Variants in GAB2 observed in about 807,000 individuals in gnomAD.
The protein encoded by GAB2 is GRB2 associated binding protein 2, also known as GRB2-associated-binding protein 2.
GAB2 carries 26 observed loss-of-function variants against 65.5 expected under a neutral mutation model. That is an observed-to-expected ratio of 0.40 (90% CI 0.29 to 0.55). GAB2 has a LOEUF of 0.55. Ranked by LOEUF, GAB2 falls within the 20% of genes least tolerant of loss-of-function variation. The pLI, the probability that GAB2 is intolerant of heterozygous loss-of-function variation, is 0.53. For missense variants in GAB2, 884 were observed against 875.8 expected (o/e 1.01, Z -0.12); for synonymous variants, 321 against 329.6 (o/e 0.97, Z 0.28).
chr11:78,349,192 T>C (rs976296305), intron 1 of GAB2, among the ~76,000 whole-genome samples: 110 of 152,250 alleles, frequency 7.2e-4, no homozygotes, highest in African/African-American at 2.6e-3. Context: ...TTGAAGTTGA[T>C]AAGGAAAAAA....
intron 1 of GAB2, among the ~76,000 whole-genome samples, chr11:78,359,718 A>G (rs1283037228): frequency 3.3e-5 from 5 of 152,256 alleles, no homozygotes; most frequent in African/African-American, 9.6e-5. Context: ...TAAATAAGAT[A>G]GAAAATACCG....
At chr11:78,246,074 C>T (rs2512545) in intron 3 of GAB2, among the ~76,000 whole-genome samples, 24,421 of 151,292 alleles carry the variant, frequency 0.16, 2,426 homozygotes, top group East Asian at 0.4. Flanking sequence ...GGATTACAGG[C>T]GCCCACCACC....
intron 1 of GAB2, among the ~76,000 whole-genome samples, chr11:78,283,356 CCTT>C (rs1478248865): frequency 6.6e-6 from 1 of 152,194 alleles, no homozygotes; most frequent in Admixed American, 6.5e-5. Flanking sequence ...ACAATTCTCC[CCTT>C]CTTCAGAATC....
chr11:78,305,122 T>G (rs1384950193), intron 1 of GAB2, among the ~76,000 whole-genome samples: 1 of 152,200 alleles, frequency 6.6e-6, no homozygotes, highest in Non-Finnish European at 1.5e-5. Flanking sequence ...CTTTTCATAC[T>G]TTCAAAATTG....
rs1356822391 is a variant in GAB2, at chr11:78,256,884, C to T, written c.377-6484G>A. 2.0e-5 allele frequency among the ~76,000 whole-genome samples: 3 copies of T among 152,156 alleles called. No individual in the cohort carries two copies. In the East Asian group the frequency reaches 5.8e-4, roughly 29 times the overall value. ...TACTTCTTGCTGTGTAACTGACCTTCCTAATGACCCAAAACACAAGAAGAA... is the reference window on the plus strand; with the variant it reads ...TACTTCTTGCTGTGTAACTGACCTTTCTAATGACCCAAAACACAAGAAGAA... On this transcript the variant is annotated intron_variant, in intron 2 of 9. Transcript: ENST00000361507.
intron 1 of GAB2, among the ~76,000 whole-genome samples, chr11:78,398,041 C>CACACACACAT (rs57095813): frequency 9.2e-5 from 14 of 151,404 alleles, no homozygotes; most frequent in African/African-American, 2.7e-4. Context: ...CACACACACA[C>CACACACACAT]ATCCCTGGCC....
At chr11:78,320,746 T>G (rs1271493635) in intron 1 of GAB2, among the ~76,000 whole-genome samples, 2 of 65,150 alleles carry the variant, frequency 3.1e-5, no homozygotes, top group Admixed American at 3.5e-4. Flanking sequence ...TTTTTTTTTT[T>G]GGTAGAGATG....
chr11:78,399,451 C>T (rs1856942543), intron 1 of GAB2, among the ~76,000 whole-genome samples: 1 of 152,236 alleles, frequency 6.6e-6, no homozygotes, highest in Non-Finnish European at 1.5e-5. Flanking sequence ...CAGGATCTCA[C>T]ATATTGATCT....
intron 2 of GAB2, among the ~76,000 whole-genome samples, chr11:78,254,765 A>G (rs1165438127): frequency 6.6e-6 from 1 of 152,014 alleles, no homozygotes; most frequent in African/African-American, 2.4e-5. Flanking sequence ...CGCCACTGCA[A>G]TCAGCCAAGA....
chr11:78,233,902 C>G (rs1055659447), intron 3 of GAB2, among the ~76,000 whole-genome samples: 2 of 152,234 alleles, frequency 1.3e-5, no homozygotes, highest in African/African-American at 4.8e-5. Flanking sequence ...TGGGCCACCA[C>G]GCCCAGCCCA....
chr11:78,280,363 A>C, intron 2 of GAB2: 2 of 544,150 alleles, frequency 3.7e-6, no homozygotes, highest in South Asian at 4.7e-5. Flanking sequence ...ACCTAAGGAA[A>C]CACCACAAAT....
chr11:78,416,776 G>T (rs951096157), intron 1 of GAB2, among the ~76,000 whole-genome samples: 1 of 141,140 alleles, frequency 7.1e-6, no homozygotes, highest in Non-Finnish European at 1.5e-5. Context: ...TGGGGAGAGG[G>T]GTTAAAAAAA....
chr11:78,321,196 G>A (rs1434259864), intron 1 of GAB2, among the ~76,000 whole-genome samples: 2 of 152,148 alleles, frequency 1.3e-5, no homozygotes, highest in African/African-American at 4.8e-5. Context: ...GAGTACCCCT[G>A]TACCAAGGAC....
chr11:78,404,451 G>A (rs987571303), intron 1 of GAB2, among the ~76,000 whole-genome samples: 1 of 152,232 alleles, frequency 6.6e-6, no homozygotes, highest in Non-Finnish European at 1.5e-5. Context: ...GGAGGATGAG[G>A]TGGCAGGATC....
chr11:78,366,564 C>A (rs1460191044), intron 1 of GAB2, among the ~76,000 whole-genome samples: 1 of 104,714 alleles, frequency 9.5e-6, no homozygotes, highest in African/African-American at 3.8e-5. Flanking sequence ...CCAGGCTGGG[C>A]GACAGAGCAA....
chr11:78,236,049 A>AAAT (rs1049382906), intron 3 of GAB2, among the ~76,000 whole-genome samples: 1 of 152,350 alleles, frequency 6.6e-6, no homozygotes, highest in African/African-American at 2.4e-5. Context: ...ACTGCCATCT[A>AAAT]AATAATAATA....
intron 1 of GAB2, among the ~76,000 whole-genome samples, chr11:78,321,323 T>C (rs925506323): frequency 6.6e-6 from 1 of 152,194 alleles, no homozygotes; most frequent in Non-Finnish European, 1.5e-5. Flanking sequence ...CCCTGGCTGA[T>C]GGAAATGACC....
intron 3 of GAB2, among the ~76,000 whole-genome samples, chr11:78,228,054 G>A (rs1864736783): frequency 6.6e-6 from 1 of 152,164 alleles, no homozygotes; most frequent in Non-Finnish European, 1.5e-5. Context: ...AAACAAGAGG[G>A]GAGACTTGTG....
At chr11:78,346,459 C>A (rs1471416126) in intron 1 of GAB2, among the ~76,000 whole-genome samples, 1 of 151,648 alleles carries the variant, frequency 6.6e-6, no homozygotes, top group African/African-American at 2.4e-5. Flanking sequence ...AATAGGAAAT[C>A]GAACTTCATA....
Sources: gnomAD v4.1 joint callset for allele counts (sites outside exome capture counted in the v4.1 genomes callset) on GRCh38, gnomAD v4.1.1 for gene constraint, MANE v1.5 for transcripts, NCBI Gene and HGNC (gene_info 2026-07-23, HGNC 2026-07-21) for gene names.